Variants in LRP1B observed in about 807,000 individuals in gnomAD.
LRP1B encodes LDL receptor related protein 1B, also known as low-density lipoprotein receptor-related protein 1B.
A neutral mutation model predicts 556.6 loss-of-function variants in LRP1B; 217 were observed. The ratio of observed to expected loss-of-function variants is 0.39; its 90% CI spans 0.35 to 0.44. The LOEUF (loss-of-function observed/expected upper bound fraction) is 0.44, where lower values mean the gene tolerates loss of function less well. Ranked by LOEUF, LRP1B falls within the 20% of genes least tolerant of loss-of-function variation. LRP1B has a pLI of 1.00. For synonymous variants in LRP1B, 2,047 were observed against 1,865.8 expected, an observed-to-expected ratio of 1.10 and a Z score of -2.50; for missense variants, 5,053 against 5,620.8, an observed-to-expected ratio of 0.90 and a Z score of 3.23.
At chr2:141,585,466 T>TGTGA (rs1553538856) in intron 2 of LRP1B, among the ~76,000 whole-genome samples, 3,633 of 145,502 alleles carry the variant, frequency 0.025, 72 homozygotes, top group South Asian at 0.029. Flanking sequence ...TGTGTGTGTG[T>TGTGA]GTGATGGGGT....
intron 2 of LRP1B, among the ~76,000 whole-genome samples, chr2:141,808,230 C>T (rs953556489): frequency 1.3e-5 from 2 of 152,066 alleles, no homozygotes; most frequent in African/African-American, 2.4e-5. Flanking sequence ...CCCTGGCTTT[C>T]CTGCATATGA....
chr2:141,037,917 CACAT>C (rs1443807946), intron 11 of LRP1B, among the ~76,000 whole-genome samples: 3 of 148,406 alleles, frequency 2.0e-5, no homozygotes. Context: ...CACACACACA[CACAT>C]CCATACCCCT....
chr2:141,153,257 T>C (rs1260349906), intron 7 of LRP1B, among the ~76,000 whole-genome samples: 3 of 132,240 alleles, frequency 2.3e-5, no homozygotes, highest in Non-Finnish European at 4.7e-5. Flanking sequence ...ATAATTTATA[T>C]ATATTTATAA....
chr2:141,519,108 G>A (rs1684433359), intron 2 of LRP1B, among the ~76,000 whole-genome samples: 1 of 151,934 alleles, frequency 6.6e-6, no homozygotes, highest in Admixed American at 6.6e-5. Context: ...AAGTGTCTTT[G>A]TCTGCTGTGA....
chr2:141,735,421 A>G (rs1693427231), intron 2 of LRP1B, among the ~76,000 whole-genome samples: 1 of 151,324 alleles, frequency 6.6e-6, no homozygotes, highest in Non-Finnish European at 1.5e-5. Flanking sequence ...AGTTTTGTCA[A>G]CAGGATTCAC....
intron 35 of LRP1B, among the ~76,000 whole-genome samples, chr2:140,761,430 T>C (rs1688917786): frequency 6.6e-6 from 1 of 152,210 alleles, no homozygotes; most frequent in East Asian, 1.9e-4. Flanking sequence ...GAGGGGAGGA[T>C]GCATCTAGTT....
chr2:141,738,562 T>C (rs1693579064), intron 2 of LRP1B, among the ~76,000 whole-genome samples: 1 of 152,172 alleles, frequency 6.6e-6, no homozygotes, highest in African/African-American at 2.4e-5. Flanking sequence ...AAAACACAGA[T>C]GAATCTTATC....
At chr2:140,761,676 C>G (rs564629224) in intron 35 of LRP1B, among the ~76,000 whole-genome samples, 1 of 152,100 alleles carries the variant, frequency 6.6e-6, no homozygotes, top group Non-Finnish European at 1.5e-5. Context: ...CTGCAAGGAA[C>G]AGAATCCTGC....
intron 3 of LRP1B, among the ~76,000 whole-genome samples, chr2:141,432,879 C>T (rs1206419491): frequency 2.0e-5 from 3 of 151,942 alleles, no homozygotes; most frequent in Non-Finnish European, 4.4e-5. Context: ...GATCTTCTCT[C>T]TCTTTTTCAT....
intron 1 of LRP1B, among the ~76,000 whole-genome samples, chr2:142,022,342 T>C (rs1703356004): frequency 6.8e-6 from 1 of 147,340 alleles, no homozygotes; most frequent in Non-Finnish European, 1.5e-5. Flanking sequence ...TCCAAAGTGT[T>C]TATGCTTGAA....
At chr2:140,560,869 G>T (rs1680903912) in intron 43 of LRP1B, among the ~76,000 whole-genome samples, 1 of 152,088 alleles carries the variant, frequency 6.6e-6, no homozygotes, top group African/African-American at 2.4e-5. Context: ...ATGAGGAAAA[G>T]GTGCTCTTCA....
chr2:140,843,232 C>T (rs1048694238), intron 29 of LRP1B, among the ~76,000 whole-genome samples: 6 of 151,626 alleles, frequency 4.0e-5, no homozygotes, highest in Non-Finnish European at 8.8e-5. Flanking sequence ...TAAAGCATAG[C>T]CAAATGAAAG....
chr2:142,128,124 T>C (rs556108867), intron 1 of LRP1B, among the ~76,000 whole-genome samples: 1 of 152,224 alleles, frequency 6.6e-6, no homozygotes, highest in East Asian at 1.9e-4. Context: ...AAAAGACAAG[T>C]GCACGTATAT....
In LRP1B at chr2:140,456,656, A is replaced by G. The variant is rs890852940; in HGVS notation, c.9815-53T>C. 34 of 1,519,476 alleles carry G rather than the reference A, an allele frequency of 2.2e-5. No individual in the cohort carries two copies. The African/African-American group carries it at 4.4e-4, about 20-fold the overall frequency. 94.1% of individuals were successfully genotyped at this position (1,519,476 alleles called of 1,614,324 possible). A position where few individuals can be genotyped will look rare whatever the true frequency, so the allele number is the denominator to read the frequency against. ...CAAAACAGGATAATCAAGACTAATA[A>G]TATAACATGGGATTAGAGATAGGAC... On this transcript the variant is annotated intron_variant, in intron 61 of 90. Coordinates refer to ENST00000389484, the MANE Select transcript of LRP1B (RefSeq NM_018557.3).
intron 35 of LRP1B, among the ~76,000 whole-genome samples, chr2:140,763,594 A>AT (rs1434939922): frequency 1.7e-4 from 26 of 152,112 alleles, no homozygotes; most frequent in Non-Finnish European, 8.8e-5. Context: ...GTAGGTGATC[A>AT]TTGTGCATCT....
At chr2:140,623,793 C>T (rs980068701) in intron 41 of LRP1B, among the ~76,000 whole-genome samples, 1 of 151,634 alleles carries the variant, frequency 6.6e-6, no homozygotes, top group Non-Finnish European at 1.5e-5. Context: ...GTGGTATGTG[C>T]CTGTAATTCC....
intron 2 of LRP1B, among the ~76,000 whole-genome samples, chr2:141,483,609 T>C (rs193124768): frequency 0.032 from 4,855 of 151,676 alleles, 286 homozygotes; most frequent in African/African-American, 0.11. Context: ...TTTCTCCACA[T>C]CCTCTCCAGC....
chr2:141,479,767 C>A (rs562838184), intron 3 of LRP1B, among the ~76,000 whole-genome samples: 4 of 152,220 alleles, frequency 2.6e-5, no homozygotes, highest in South Asian at 4.1e-4. Flanking sequence ...CCCCACTCCA[C>A]CCCGCACTAG....
intron 2 of LRP1B, among the ~76,000 whole-genome samples, chr2:141,721,307 A>G (rs1431120465): frequency 1.3e-5 from 2 of 151,990 alleles, no homozygotes; most frequent in Admixed American, 6.6e-5. Flanking sequence ...TATTGCTCTT[A>G]TATTTTCTTC....
Sources: allele counts gnomAD v4.1 joint callset (sites outside exome capture counted in the v4.1 genomes callset), GRCh38; gene constraint gnomAD v4.1.1; transcripts MANE v1.5; gene names NCBI Gene and HGNC (gene_info 2026-07-23, HGNC 2026-07-21).